KIAA1755: variants seen among roughly 807,000 people sequenced by gnomAD.
KIAA1755 encodes the protein KIAA1755, also known as uncharacterized protein KIAA1755.
In KIAA1755, 68 loss-of-function variants were observed where a neutral mutation model predicts 91.7. The observed-to-expected ratio is 0.74, with a 90% CI of 0.61 to 0.91. The LOEUF (loss-of-function observed/expected upper bound fraction) is 0.91, where lower values mean the gene tolerates loss of function less well. Among genes scored for constraint, KIAA1755 ranks in the 40% least tolerant of loss-of-function variants. KIAA1755 has a pLI of 0.00. For missense variants in KIAA1755, 1,535 were observed against 1,494.4 expected (o/e 1.03, Z -0.45); for synonymous variants, 610 against 604.6 (o/e 1.01, Z -0.13).
At chr20:38,255,047 G>C (rs971485303) in intron 1 of KIAA1755, among the ~76,000 whole-genome samples, 4 of 152,068 alleles carry the variant, frequency 2.6e-5, no homozygotes, top group Non-Finnish European at 5.9e-5. Context: ...TGTGGTGGCG[G>C]GTGCTGAAAA....
intron 5 of KIAA1755, 25 bp downstream of exon 5, chr20:38,231,177 C>T (rs760808232): frequency 1.2e-6 from 2 of 1,600,970 alleles, no homozygotes; most frequent in Admixed American, 1.7e-5. Flanking sequence ...GGGGATGGAG[C>T]AGTCAGGGTG....
chr20:38,221,009 G>A (rs2075649274), intron 10 of KIAA1755, among the ~76,000 whole-genome samples: 1 of 152,244 alleles, frequency 6.6e-6, no homozygotes, highest in African/African-American at 2.4e-5. Context: ...TCTGCCTTCA[G>A]AGGGAAAATG....
In KIAA1755 at chr20:38,219,786, GT is replaced by G. The variant is rs778598344; in HGVS notation, c.2418-19del. On this transcript the variant is annotated intron_variant, in intron 10 of 13. Coordinates refer to ENST00000279024, the MANE Select transcript of KIAA1755 (RefSeq NM_001029864.2). ...GATGGCTCCTGGGAGGTGGGCGGAG[GT>G]GAGAAAAGGCCTCTGTTGCCCTCTT... The G allele has an allele frequency of 1.1e-5, 17 of 1,613,718 alleles. No individual in the cohort carries two copies. In the African/African-American group the frequency reaches 2.0e-4, roughly 19 times the overall value.
intron 3 of KIAA1755, among the ~76,000 whole-genome samples, chr20:38,240,038 A>G (rs1445686646): frequency 6.6e-6 from 1 of 152,134 alleles, no homozygotes; most frequent in Non-Finnish European, 1.5e-5. Context: ...CTGGGGCTAA[A>G]GGCATGCACC....
rs1328017394 is a variant in KIAA1755, at chr20:38,219,704, T to C, written c.2482A>G (p.Thr828Ala). ...LVDEQLHVLVTASNSLLGKLE... is the reference protein window; with the variant it reads ...LVDEQLHVLVAASNSLLGKLE... ...TTCCCCAGGAGGCTGTTGGAAGCGG[T>C]GACCAGAACATGAAGCTGCTCGTCC... The change falls in exon 11 of 14, where the codon ACC (threonine) becomes GCC (alanine). Residue 828 changes from threonine (T) to alanine (A), a missense_variant. Transcript: ENST00000279024. 2 of 1,614,088 alleles carry C rather than the reference T, an allele frequency of 1.2e-6. No individual in the cohort carries two copies. The highest frequency in any genetic ancestry group is 3.3e-5 in the Admixed American group (2 of 60,012).
chr20:38,251,067 C>T (rs1260439018), intron 1 of KIAA1755, among the ~76,000 whole-genome samples: 3 of 151,542 alleles, frequency 2.0e-5, no homozygotes, highest in Admixed American at 1.3e-4. Flanking sequence ...AAATATATTA[C>T]TTATATAAAG....
Position 38,241,304 on chromosome 20 carries a change from A to C in KIAA1755, c.827T>G (p.Val276Gly). ...VVSQDFEGDY[V>G]ALLGFSQESR... ...CTCTTGGGAAAAGCCTAGGAGAGCC[A>C]CATAGTCTCCCTCGAAGTCCTGGCT... Residue 276 changes from valine to glycine, a missense_variant, in exon 3 of 14, where the codon GTG becomes GGG. Val to Gly is a moderately radical substitution (Grantham distance 109). Transcript: ENST00000279024. 6.2e-7 allele frequency: 1 copy of C among 1,614,176 alleles called. No individual in the cohort carries two copies. Among genetic ancestry groups the C allele is most frequent in the African/African-American group, 1.3e-5 (1 of 75,052 alleles).
At chr20:38,260,464 G>C (rs750355513) in intron 1 of KIAA1755, 34 bp downstream of exon 1, 58 of 1,514,608 alleles carry the variant, frequency 3.8e-5, no homozygotes, top group Non-Finnish European at 4.8e-5. Context: ...CTGAAAGGGG[G>C]CAGAGCGAGG....
At chr20:38,239,329 G>A (rs1272048757) in intron 4 of KIAA1755, among the ~76,000 whole-genome samples, 199 bp downstream of exon 4, 1 of 152,242 alleles carries the variant, frequency 6.6e-6, no homozygotes, top group Non-Finnish European at 1.5e-5. Context: ...AGATAGATGG[G>A]TGGATGGATA....
In KIAA1755 at chr20:38,212,799, T is replaced by G; in HGVS notation, c.*243A>C. On this transcript the variant is annotated 3_prime_UTR_variant, in exon 14 of 14. Transcript: ENST00000279024. ...TGGAGGGATGGAGCCAATCACACCA[T>G]TTATTGTGCCCTGGTTCTGACGCCC... The G allele has an allele frequency of 3.0e-5, 13 of 436,454 alleles. No individual in the cohort carries two copies. Among genetic ancestry groups the G allele is most frequent in the East Asian group, 6.8e-5 (2 of 29,278 alleles). The allele number at this position is 436,454 out of a possible 1,614,324, so 27.0% of individuals were successfully genotyped here. A position where few individuals can be genotyped will look rare whatever the true frequency, so the allele number is the denominator to read the frequency against.
Position 38,213,260 on chromosome 20 carries a change from C to T in KIAA1755, c.3385G>A (p.Glu1129Lys). The change falls in exon 14 of 14, where the codon GAA becomes AAA. Residue 1129 changes from glutamate to lysine, a missense_variant. Transcript: ENST00000279024. ...RTFQAGSPPQ[E>K]AGQAAEAEDG... ...TCAGCCTCTGCAGCCTGGCCAGCTT[C>T]CTGGGGTGGAGAGCCTGCCTGGAAA... 1 of 1,613,602 alleles carries T rather than the reference C, an allele frequency of 6.2e-7. No individual in the cohort carries two copies. The highest frequency in any genetic ancestry group is 8.5e-7 in the Non-Finnish European group (1 of 1,179,998).
At chr20:38,218,706 G>C (rs1220872303) in intron 11 of KIAA1755, among the ~76,000 whole-genome samples, 1 of 151,870 alleles carries the variant, frequency 6.6e-6, no homozygotes, top group Non-Finnish European at 1.5e-5. Flanking sequence ...GGTGGCCTCA[G>C]GGGTGATGAG....
chr20:38,231,936 G>C (rs2075871930), intron 4 of KIAA1755, among the ~76,000 whole-genome samples: 1 of 152,190 alleles, frequency 6.6e-6, no homozygotes, highest in Non-Finnish European at 1.5e-5. Context: ...TTTCCGACAG[G>C]CTATTTCCTG....
intron 10 of KIAA1755, among the ~76,000 whole-genome samples, chr20:38,221,212 G>A (rs34642612): frequency 6.6e-6 from 1 of 152,202 alleles, no homozygotes; most frequent in South Asian, 2.1e-4. Flanking sequence ...GGACAGCCTA[G>A]GGGCTGCAGG....
intron 2 of KIAA1755, among the ~76,000 whole-genome samples, chr20:38,242,407 G>A (rs548898689): frequency 6.6e-6 from 1 of 152,292 alleles, no homozygotes; most frequent in South Asian, 2.1e-4. Flanking sequence ...CAGTATTACT[G>A]GGTTGGTATG....
At position 38,241,333 on chromosome 20, in the gene KIAA1755, C is replaced by A. The variant is rs1329240604; in HGVS notation, c.798G>T (p.Val266=). ...AGTCTCCCTCGAAGTCCTGGCTGAC[C>A]ACCTCGTCCATCCTGAAAGCCACCT... ...CGEVAFRMDE[V]VSQDFEGDYV... The change falls in exon 3 of 14, where the codon GTG becomes GTT. Residue 266 remains valine (V), a synonymous_variant. Coordinates refer to ENST00000279024, the MANE Select transcript of KIAA1755 (RefSeq NM_001029864.2). 6.2e-7 allele frequency: 1 copy of A among 1,614,192 alleles called. No individual in the cohort carries two copies. The highest frequency in any genetic ancestry group is 8.5e-7 in the Non-Finnish European group (1 of 1,180,036).
In KIAA1755 at chr20:38,212,931, A is replaced by G; in HGVS notation, c.*111T>C. ...CCCAGCAGAGGCAGAATGTAAAACCAGTGCTCCATGGTGACGTCTCACTGG... is the reference window on the plus strand; with the variant it reads ...CCCAGCAGAGGCAGAATGTAAAACCGGTGCTCCATGGTGACGTCTCACTGG... On this transcript the variant is annotated 3_prime_UTR_variant, in exon 14 of 14. Transcript: ENST00000279024. The G allele has an allele frequency of 2.5e-6, 2 of 796,656 alleles. No homozygotes were observed. The highest frequency in any genetic ancestry group is 3.9e-6 in the Non-Finnish European group (2 of 515,376). 49.3% of individuals were successfully genotyped at this position (796,656 alleles called of 1,614,324 possible).
At chr20:38,254,536 C>T (rs902271534) in intron 1 of KIAA1755, among the ~76,000 whole-genome samples, 1 of 152,084 alleles carries the variant, frequency 6.6e-6, no homozygotes, top group Admixed American at 6.5e-5. Context: ...GCCTATAATC[C>T]CAGCACTTTG....
At chr20:38,217,746 T>C in intron 12 of KIAA1755, 2 of 549,560 alleles carry the variant, frequency 3.6e-6, no homozygotes, top group South Asian at 4.8e-5. Flanking sequence ...TCTGCTTAGA[T>C]GTTCCTTCTG....
Sources: gnomAD v4.1 joint callset for allele counts (sites outside exome capture counted in the v4.1 genomes callset) on GRCh38, gnomAD v4.1.1 for gene constraint, MANE v1.5 for transcripts, NCBI Gene and HGNC (gene_info 2026-07-23, HGNC 2026-07-21) for gene names.